The following CSNK2A2IP variants were observed in gnomAD, a reference collection of about 807,000 sequenced individuals.
The protein encoded by CSNK2A2IP is casein kinase II subunit alpha'-interacting protein.
At chr3:88,409,382 A>G in the CSNK2A2IP span, among the ~76,000 whole-genome samples, 1 of 152,052 alleles carries the variant, frequency 6.6e-6, no homozygotes, top group Non-Finnish European at 1.5e-5. Flanking sequence ...TAGCTATTCA[A>G]ATTAGCTGCC....
At chr3:88,359,789 G>T in the CSNK2A2IP span, among the ~76,000 whole-genome samples, 6 of 152,052 alleles carry the variant, frequency 3.9e-5, no homozygotes, top group Non-Finnish European at 7.4e-5. Context: ...CTATCTTAAG[G>T]TATGTCCTTG....
At chr3:88,426,432 A>C in the CSNK2A2IP span, among the ~76,000 whole-genome samples, 2 of 152,244 alleles carry the variant, frequency 1.3e-5, no homozygotes, top group Non-Finnish European at 2.9e-5. Context: ...CTCCAGCCTT[A>C]CTGAATCAGA....
chr3:88,398,907 A>G, the CSNK2A2IP span, among the ~76,000 whole-genome samples: 30 of 152,330 alleles, frequency 2.0e-4, no homozygotes, highest in Non-Finnish European at 1.6e-4. Flanking sequence ...TGCTCAATAG[A>G]TATCTGAGGA....
the CSNK2A2IP span, among the ~76,000 whole-genome samples, chr3:88,456,360 C>A: frequency 7.2e-5 from 11 of 151,948 alleles, no homozygotes; most frequent in African/African-American, 2.7e-4. Flanking sequence ...GAGTTTTCAC[C>A]AATTCTTTTA....
the CSNK2A2IP span, among the ~76,000 whole-genome samples, chr3:88,356,011 T>G: frequency 1.3e-4 from 20 of 152,292 alleles, no homozygotes; most frequent in Admixed American, 3.9e-4. Context: ...GATATTTTGA[T>G]GCAAGTGTAC....
chr3:88,465,498 A>G, the CSNK2A2IP span: 3 of 1,231,748 alleles, frequency 2.4e-6, no homozygotes, highest in African/African-American at 1.5e-5. Context: ...CCAAAGTGCA[A>G]TCCCATAGCA....
At chr3:88,456,022 G>A in the CSNK2A2IP span, among the ~76,000 whole-genome samples, 1 of 151,762 alleles carries the variant, frequency 6.6e-6, no homozygotes, top group Non-Finnish European at 1.5e-5. Context: ...ATATGTATGG[G>A]TTTATTTCTG....
At chr3:88,409,687 T>C in the CSNK2A2IP span, among the ~76,000 whole-genome samples, 1 of 152,070 alleles carries the variant, frequency 6.6e-6, no homozygotes, top group African/African-American at 2.4e-5. Flanking sequence ...TTGGATATGA[T>C]TTAAGAAGCA....
chr3:88,455,530 C>T, the CSNK2A2IP span, among the ~76,000 whole-genome samples: 1 of 151,802 alleles, frequency 6.6e-6, no homozygotes, highest in African/African-American at 2.4e-5. Flanking sequence ...TATTCAGGTC[C>T]TTTGCCTATT....
the CSNK2A2IP span, among the ~76,000 whole-genome samples, chr3:88,388,262 C>A: frequency 6.6e-6 from 1 of 152,106 alleles, no homozygotes; most frequent in Non-Finnish European, 1.5e-5. Flanking sequence ...TTACATGAAA[C>A]AGTGGTCTGT....
chr3:88,434,981 G>GC, the CSNK2A2IP span, among the ~76,000 whole-genome samples: 5 of 152,110 alleles, frequency 3.3e-5, no homozygotes, highest in Admixed American at 6.6e-5. Context: ...ACTCTCCCCT[G>GC]CCCCCGCAAA....
At chr3:88,444,031 A>G in the CSNK2A2IP span, among the ~76,000 whole-genome samples, 1 of 152,100 alleles carries the variant, frequency 6.6e-6, no homozygotes, top group Non-Finnish European at 1.5e-5. Context: ...CTTTATAGTC[A>G]CAGATAATAT....
the CSNK2A2IP span, among the ~76,000 whole-genome samples, chr3:88,429,406 A>G: frequency 6.6e-6 from 1 of 152,170 alleles, no homozygotes; most frequent in Admixed American, 6.5e-5. Context: ...AGTACCTGGG[A>G]GAGTTTCCCT....
chr3:88,339,267 A>ATT, the CSNK2A2IP span, among the ~76,000 whole-genome samples: 21 of 149,504 alleles, frequency 1.4e-4, no homozygotes, highest in South Asian at 1.1e-3. Flanking sequence ...TCATGAGTTC[A>ATT]TTTTTTTTTT....
chr3:88,379,111 T>C, the CSNK2A2IP span, among the ~76,000 whole-genome samples: 14 of 151,972 alleles, frequency 9.2e-5, no homozygotes, highest in Non-Finnish European at 1.9e-4. Context: ...CCAAAGTCAA[T>C]CTGACCACAG....
chr3:88,402,083 C>T, the CSNK2A2IP span, among the ~76,000 whole-genome samples: 2 of 151,318 alleles, frequency 1.3e-5, no homozygotes, highest in South Asian at 4.2e-4. Flanking sequence ...CATAACATTC[C>T]ACATAGGTAC....
chr3:88,410,410 C>T, the CSNK2A2IP span, among the ~76,000 whole-genome samples: 1 of 152,036 alleles, frequency 6.6e-6, no homozygotes, highest in African/African-American at 2.4e-5. Flanking sequence ...ATAAAGATCT[C>T]TGAAACTTCT....
the CSNK2A2IP span, among the ~76,000 whole-genome samples, chr3:88,375,334 C>T: frequency 6.6e-6 from 1 of 151,898 alleles, no homozygotes; most frequent in Admixed American, 6.6e-5. Context: ...GATTTGTTCT[C>T]TTCTATCCTG....
chr3:88,363,026 C>T, the CSNK2A2IP span, among the ~76,000 whole-genome samples: 1 of 152,086 alleles, frequency 6.6e-6, no homozygotes, highest in African/African-American at 2.4e-5. Context: ...CAGAGTCATG[C>T]TCCATTTTGA....
Sources: allele counts gnomAD v4.1 joint callset (sites outside exome capture counted in the v4.1 genomes callset), GRCh38; gene constraint gnomAD v4.1.1; transcripts MANE v1.5; gene names NCBI Gene and HGNC (gene_info 2026-07-23, HGNC 2026-07-21).